Variants in TAB1 observed in about 807,000 individuals in gnomAD.
The protein encoded by TAB1 is TGF-beta activated kinase 1 (MAP3K7) binding protein 1.
TAB1 carries 30 observed loss-of-function variants against 54.5 expected under a neutral mutation model. That is an observed-to-expected ratio of 0.55 (90% confidence interval 0.41 to 0.75). The LOEUF is 0.75. Among genes scored for constraint, TAB1 ranks in the 30% least tolerant of loss-of-function variants. The pLI is 0.00. For synonymous variants in TAB1, 289 were observed against 286.9 expected (o/e 1.01, Z -0.07); for missense variants, 609 against 683.2 (o/e 0.89, Z 1.21).
At chr22:39,413,945 T>C (rs1193921525) in intron 1 of TAB1, among the ~76,000 whole-genome samples, 1 of 152,174 alleles carries the variant, frequency 6.6e-6, no homozygotes, top group African/African-American at 2.4e-5. Context: ...ATGCTCAGGA[T>C]GTACCCTAGG....
chr22:39,424,419 G>A (rs1199752280), intron 8 of TAB1, among the ~76,000 whole-genome samples: 1 of 139,154 alleles, frequency 7.2e-6, no homozygotes, highest in African/African-American at 2.7e-5. Flanking sequence ...ACTATCCCCT[G>A]TTCCCTGTGT....
chr22:39,419,315 T>G (rs936824884), intron 6 of TAB1, among the ~76,000 whole-genome samples: 3 of 152,184 alleles, frequency 2.0e-5, no homozygotes, highest in African/African-American at 7.2e-5. Context: ...GGACGGGCTC[T>G]GAGTGAGGTG....
rs1302906820 is a variant in TAB1, at chr22:39,415,454, G to A, written c.171-46G>A. 3.8e-6 allele frequency: 6 copies of A among 1,591,178 alleles called. No homozygotes were observed. The highest frequency in any genetic ancestry group is 1.1e-5 in the South Asian group (1 of 90,438). On this transcript the variant is annotated intron_variant, in intron 2 of 10. Coordinates refer to ENST00000216160, the MANE Select transcript of TAB1 (RefSeq NM_006116.3). The surrounding 1 kb of genome is among the most constrained non-coding windows in gnomAD (Gnocchi z 4.9). ...CCTTTCCCTTTCTCCCTCCACCTCC[G>A]TGAGACCCTGGTCTCAGGCCTCCCT...
chr22:39,433,461 A>C, downstream of TAB1: 1 of 984,174 alleles, frequency 1.0e-6, no homozygotes, highest in Non-Finnish European at 1.2e-6. Flanking sequence ...TCAAGAAAAA[A>C]AAAAAAGACA....
At position 39,403,814 on chromosome 22, in the gene TAB1, AT is replaced by A. The variant is rs1026134549; in HGVS notation, c.33+3990del. On this transcript the variant is annotated intron_variant, in intron 1 of 10. Transcript: ENST00000216160. ...CCACCACACCCAGCTAACTTTTTGT[AT>A]TTTTTTTTTTAGTAGAGACGGGGTT... Among the ~76,000 whole-genome samples the A allele has an allele frequency of 3.8e-3, 553 of 144,644 alleles. 1 individual carries two copies. Among genetic ancestry groups the A allele is most frequent in the African/African-American group, 9.2e-3 (361 of 39,438 alleles). 94.9% of individuals were successfully genotyped at this position (144,644 alleles called of 152,430 possible). A position where few individuals can be genotyped will look rare whatever the true frequency, so the allele number is the denominator to read the frequency against.
At chr22:39,402,530 A>G (rs1282786271) in intron 1 of TAB1, among the ~76,000 whole-genome samples, 1 of 152,086 alleles carries the variant, frequency 6.6e-6, no homozygotes, top group Non-Finnish European at 1.5e-5. Context: ...TGGTACCTTG[A>G]AAGGTCTTTT....
chr22:39,431,576 C>T lies in TAB1; in HGVS notation c.*1354C>T. 8.1e-6 allele frequency: 8 copies of T among 985,452 alleles called. No individual in the cohort carries two copies. The highest frequency in any genetic ancestry group is 9.6e-6 in the Non-Finnish European group (8 of 829,956). 61.0% of individuals were successfully genotyped at this position (985,452 alleles called of 1,614,324 possible). A position where few individuals can be genotyped will look rare whatever the true frequency, so the allele number is the denominator to read the frequency against. ...GTCAAAGGCCTGACAGCTCTGTGGC[C>T]TGGGAATCCATTTTCCTGCGGCAGA... On this transcript the variant is annotated 3_prime_UTR_variant, in exon 11 of 11. Coordinates refer to ENST00000216160, the MANE Select transcript of TAB1 (RefSeq NM_006116.3).
chr22:39,426,886 C>T lies in TAB1; in HGVS notation c.1105C>T (p.Leu369=), dbSNP rs1406670841. 7.4e-6 allele frequency: 12 copies of T among 1,612,680 alleles called. No homozygotes were observed. The highest frequency in any genetic ancestry group is 9.3e-6 in the Non-Finnish European group (11 of 1,179,926). Residue 369 remains leucine (L), a synonymous_variant, in exon 9 of 11, where the codon CTG becomes TTG. Coordinates refer to ENST00000216160, the MANE Select transcript of TAB1 (RefSeq NM_006116.3). ...GCTAGTGAGGAACTTTGGCTACCCG[C>T]TGGGCGAAATGAGCCAGCCCACACC... is the stretch of plus-strand genomic sequence containing the variant. ...TLLVRNFGYP[L]GEMSQPTPSP...
chr22:39,401,874 G>A (rs1454923895), intron 1 of TAB1, among the ~76,000 whole-genome samples: 1 of 152,184 alleles, frequency 6.6e-6, no homozygotes, highest in Admixed American at 6.5e-5. Context: ...AGTCTGGGGA[G>A]AACAACTCAG....
chr22:39,409,609 C>T (rs924802047), intron 1 of TAB1, among the ~76,000 whole-genome samples: 2 of 152,150 alleles, frequency 1.3e-5, no homozygotes, highest in African/African-American at 2.4e-5. Context: ...ACGTTCCGCT[C>T]CCTCTGCCTG....
At chr22:39,405,839 G>A (rs745819453) in intron 1 of TAB1, among the ~76,000 whole-genome samples, 5 of 152,132 alleles carry the variant, frequency 3.3e-5, no homozygotes, top group African/African-American at 1.2e-4. Context: ...TGGGGAACAC[G>A]GAGAAGACCA....
intron 1 of TAB1, among the ~76,000 whole-genome samples, chr22:39,403,845 C>T (rs996711898): frequency 3.3e-5 from 5 of 152,046 alleles, no homozygotes; most frequent in Middle Eastern, 3.4e-3. Context: ...GGGGTTTCAC[C>T]GTGTTAGCCA....
At chr22:39,426,959 G>A in intron 9 of TAB1, 34 bp downstream of exon 9, 3 of 1,591,858 alleles carry the variant, frequency 1.9e-6, no homozygotes, top group African/African-American at 1.3e-5. Context: ...AGTGCCTGGG[G>A]ATGCCATCTG....
At chr22:39,425,927 G>A (rs1401491970) in intron 8 of TAB1, among the ~76,000 whole-genome samples, 5 of 147,238 alleles carry the variant, frequency 3.4e-5, no homozygotes, top group East Asian at 2.0e-4. Flanking sequence ...GGCTGGTCTC[G>A]GCTCCCTGCA....
At position 39,429,939 on chromosome 22, in the gene TAB1, C is replaced by G. The variant is rs948863537; in HGVS notation, c.1308-76C>G. On this transcript the variant is annotated intron_variant, in intron 10 of 10. Transcript: ENST00000216160. The stretch of plus-strand genomic sequence containing the variant: ...CCCAAGAGGCTGGTAGAGGCAGGGG[C>G]CATTCTGTCCCCACTCTGCCCCAGG... 68 of 1,573,826 alleles carry G rather than the reference C, an allele frequency of 4.3e-5. No homozygotes were observed. In the Admixed American group the frequency reaches 5.1e-4, roughly 12 times the overall value.
Position 39,415,127 on chromosome 22 carries a change from G to C in TAB1, c.155G>C (p.Ser52Thr). 1.3e-6 allele frequency: 2 copies of C among 1,592,556 alleles called. No homozygotes were observed. Among genetic ancestry groups the C allele is most frequent in the Non-Finnish European group, 1.7e-6 (2 of 1,166,282 alleles). The change falls in exon 2 of 11, where the codon AGC (serine) becomes ACC (threonine). Residue 52 changes from serine (S) to threonine (T), a missense_variant. Physicochemically the swap from Ser to Thr is moderately conservative, Grantham distance 58. Transcript: ENST00000216160. This position sits in a 1 kb window ranked among gnomAD's most constrained non-coding sequence, Gnocchi z 4.9. ...KGTESHPPED[S>T]WLKFRSENNC... The stretch of plus-strand genomic sequence containing the variant: ...ACTGAGAGCCACCCGCCAGAGGACA[G>C]CTGGCTCAAGTTCAGGTGTGTGTGC...
chr22:39,429,487 A>T (rs5750821), intron 10 of TAB1: 404,423 of 591,904 alleles, frequency 0.68, 139,201 homozygotes, highest in East Asian at 0.96. Flanking sequence ...TTTTCTTTCC[A>T]TTTTTTTGAG....
In TAB1 at chr22:39,430,210, G is replaced by A. The variant is rs1325992910; in HGVS notation, c.1503G>A (p.Val501=). 1.9e-6 allele frequency: 3 copies of A among 1,612,632 alleles called. No individual in the cohort carries two copies. Among genetic ancestry groups the A allele is most frequent in the Non-Finnish European group, 2.5e-6 (3 of 1,180,030 alleles). Residue 501 remains valine (V), a synonymous_variant, in exon 11 of 11, where the codon GTG becomes GTA. Coordinates refer to ENST00000216160, the MANE Select transcript of TAB1 (RefSeq NM_006116.3). ...TGGACCATGGCGAGCAGAGCGTGGT[G>A]ACAGCACCGTAGGGCAGCCGGAGAA... ...WSVDHGEQSV[V]TAP is the part of the protein sequence containing the mutation.
Position 39,421,838 on chromosome 22 carries a change from C to A in TAB1, c.788C>A (p.Ser263Tyr). Reference protein sequence around the residue: ...TDIDLLSAAKSKPIIAEPEIH... With the variant: ...TDIDLLSAAKYKPIIAEPEIH... ...CTCTCTCCCCATAGCGCTGCCAAGT[C>A]CAAACCAATCATCGCAGAGCCAGAA... Residue 263 changes from serine (S) to tyrosine (Y), a missense_variant, in exon 8 of 11, where the codon TCC (serine) becomes TAC (tyrosine). Ser to Tyr is a moderately radical substitution (Grantham distance 144, BLOSUM62 -2). Transcript: ENST00000216160. The A allele has an allele frequency of 6.2e-7, 1 of 1,614,154 alleles. No homozygotes were observed. The highest frequency in any genetic ancestry group is 8.5e-7 in the Non-Finnish European group (1 of 1,179,994).
Sources: gnomAD v4.1 joint callset for allele counts (sites outside exome capture counted in the v4.1 genomes callset) on GRCh38, gnomAD v4.1.1 for gene constraint, Gnocchi (gnomAD v3.1) non-coding constraint, MANE v1.5 for transcripts, NCBI Gene and HGNC (gene_info 2026-07-23, HGNC 2026-07-21) for gene names.